TAFA5: variants seen among roughly 807,000 people sequenced by gnomAD.
The protein encoded by TAFA5 is chemokine-like protein TAFA-5.
TAFA5 carries 6 observed loss-of-function variants against 15.3 expected under a neutral mutation model. The observed-to-expected ratio is 0.39, with a 90% CI of 0.21 to 0.77. TAFA5 has a LOEUF of 0.77. TAFA5 is among the 30% of genes least tolerant of loss of function. The probability of loss-of-function intolerance (pLI) is 0.41; values close to 1 mark genes in which losing one functional copy is unlikely to be tolerated. For synonymous variants in TAFA5, 103 were observed against 80.7 expected (o/e 1.28, Z -1.48); for missense variants, 161 against 193.1 (o/e 0.83, Z 0.98).
chr22:48,641,979 C>T (rs1050303587), intron 1 of TAFA5, among the ~76,000 whole-genome samples: 11 of 152,170 alleles, frequency 7.2e-5, no homozygotes, highest in South Asian at 2.1e-4. Context: ...AGGCCGGCGC[C>T]GTGGGTAGAC....
chr22:48,727,749 G>A (rs1438623414), intron 3 of TAFA5, among the ~76,000 whole-genome samples: 2 of 152,072 alleles, frequency 1.3e-5, no homozygotes, highest in African/African-American at 4.8e-5. Context: ...AATAAATAAA[G>A]ATAAATCAGG....
At chr22:48,511,575 C>A (rs1921212435) in intron 1 of TAFA5, among the ~76,000 whole-genome samples, 1 of 152,270 alleles carries the variant, frequency 6.6e-6, no homozygotes, top group East Asian at 1.9e-4. Context: ...CAGGTCAAGA[C>A]AAAACTCTGT....
At chr22:48,491,424 T>TAA (rs1288890258) in intron 1 of TAFA5, among the ~76,000 whole-genome samples, 1 of 151,968 alleles carries the variant, frequency 6.6e-6, no homozygotes, top group African/African-American at 2.4e-5. Flanking sequence ...TCAGCAGTGT[T>TAA]TGGGGAGGGG....
chr22:48,620,554 T>G (rs1393080295), intron 1 of TAFA5, among the ~76,000 whole-genome samples: 3 of 96,994 alleles, frequency 3.1e-5, no homozygotes, highest in Admixed American at 1.1e-4. Context: ...GACAATTTAA[T>G]TTGATCTCTG....
In TAFA5 at chr22:48,707,779, G is replaced by C. The variant is rs200362354; in HGVS notation, c.325G>C (p.Asp109His). Residue 109 changes from aspartate to histidine, a missense_variant, in exon 3 of 4, where the codon GAC becomes CAC. Transcript: ENST00000402357. ...MLPCLEGEGC[D>H]LLINRSGWTC... Reference sequence around the variant, plus strand: ...TCCGTGTCTGGAGGGGGAAGGCTGCGACTTGTTAATCAACCGGTCAGGCTG... The same window carrying C: ...TCCGTGTCTGGAGGGGGAAGGCTGCCACTTGTTAATCAACCGGTCAGGCTG... The C allele has an allele frequency of 2.5e-6, 4 of 1,613,912 alleles. No individual in the cohort carries two copies. The South Asian group carries it at 4.4e-5, about 18-fold the overall frequency.
chr22:48,512,686 C>T (rs368163693), intron 1 of TAFA5, among the ~76,000 whole-genome samples: 1 of 151,252 alleles, frequency 6.6e-6, no homozygotes, highest in African/African-American at 2.4e-5. Flanking sequence ...TTTGGGAGGC[C>T]GAGGCGGGTG....
At chr22:48,629,189 G>A (rs1373757077) in intron 1 of TAFA5, among the ~76,000 whole-genome samples, 1 of 152,174 alleles carries the variant, frequency 6.6e-6, no homozygotes, top group African/African-American at 2.4e-5. Context: ...GCCTGCTGGG[G>A]TTCTCTGCTT....
At chr22:48,646,466 C>G (rs1266409132) in intron 1 of TAFA5, 131 bp from the exon 2 acceptor site, 4 of 1,172,394 alleles carry the variant, frequency 3.4e-6, no homozygotes, top group Non-Finnish European at 4.7e-6. Context: ...GACGCTCCCT[C>G]TGAGTGAAGC....
chr22:48,696,050 C>T (rs1033687054), intron 2 of TAFA5, among the ~76,000 whole-genome samples: 2 of 152,134 alleles, frequency 1.3e-5, no homozygotes, highest in African/African-American at 2.4e-5. Flanking sequence ...CCACCTGCCC[C>T]GGACCCCTGG....
rs181106930 is a variant in TAFA5 at position 48,603,238 on chromosome 22, A to T, written c.113-43359A>T. ...ATACCCATGCGCACTGCCTGTCCTC[A>T]GTTCCGGTAGGGGGAGGGCTTGAGT... On this transcript the variant is annotated intron_variant, in intron 1 of 3. Transcript: ENST00000402357. 4.2e-3 allele frequency among the ~76,000 whole-genome samples: 633 copies of T among 152,282 alleles called. 3 individuals are homozygous for T. Among genetic ancestry groups the T allele is most frequent in the African/African-American group, 0.015 (610 of 41,556 alleles).
At chr22:48,749,719 G>A (rs987413564) in intron 3 of TAFA5, 120 bp from the exon 4 acceptor site, 82 of 1,130,372 alleles carry the variant, frequency 7.3e-5, no homozygotes, top group African/African-American at 5.3e-4. Flanking sequence ...TGAGCTCTTC[G>A]TTTCAGGCCC....
intron 1 of TAFA5, among the ~76,000 whole-genome samples, chr22:48,587,356 T>C (rs1346936649): frequency 2.6e-5 from 4 of 152,026 alleles, no homozygotes; most frequent in Non-Finnish European, 5.9e-5. Context: ...TGTGCTTTGG[T>C]GGTAAAGAAA....
intron 2 of TAFA5, among the ~76,000 whole-genome samples, chr22:48,689,010 AAG>A (rs201953056): frequency 0.11 from 13,498 of 118,130 alleles, 1,083 homozygotes; most frequent in Admixed American, 0.23. Context: ...AAAAAAAAAA[AAG>A]AGAGAGAAAA....
intron 3 of TAFA5, 117 bp downstream of exon 3, chr22:48,707,961 C>CA: frequency 7.4e-7 from 1 of 1,355,738 alleles, no homozygotes; most frequent in Non-Finnish European, 1.0e-6. Flanking sequence ...CATCCTCATG[C>CA]AGAGAGGCCA....
chr22:48,655,500 G>T (rs1927204942), intron 2 of TAFA5, among the ~76,000 whole-genome samples: 1 of 152,198 alleles, frequency 6.6e-6, no homozygotes, highest in African/African-American at 2.4e-5. Context: ...TCCTCACGTG[G>T]TGGAAGGTGG....
intron 2 of TAFA5, among the ~76,000 whole-genome samples, chr22:48,650,448 G>A (rs1231204242): frequency 6.6e-6 from 1 of 152,106 alleles, no homozygotes; most frequent in African/African-American, 2.4e-5. Context: ...ATTCAGACTG[G>A]GGCCCCAGAG....
chr22:48,647,707 G>T (rs1473236495), intron 2 of TAFA5, among the ~76,000 whole-genome samples: 1 of 21,162 alleles, frequency 4.7e-5, no homozygotes, highest in African/African-American at 2.7e-4. Context: ...CATGGGGGCT[G>T]CCATGGGCCT....
In TAFA5 at chr22:48,550,954, C is replaced by G. The variant is rs139810778; in HGVS notation, c.112+61250C>G. 6.6e-6 allele frequency among the ~76,000 whole-genome samples: 1 copy of G among 151,968 alleles called. No homozygotes were observed. The highest frequency in any genetic ancestry group is 2.4e-5 in the African/African-American group (1 of 41,422). The stretch of plus-strand genomic sequence containing the variant: ...ATGGGCTGCTGTGGTGTCCCCTCCC[C>G]ACCAGGGCTGCTCTGAGGGCCCTGG... On this transcript the variant is annotated intron_variant, in intron 1 of 3. Transcript: ENST00000402357. This position sits in a 1 kb window ranked among gnomAD's most constrained non-coding sequence, Gnocchi z 4.1.
intron 1 of TAFA5, among the ~76,000 whole-genome samples, chr22:48,563,011 G>C (rs1923289959): frequency 6.6e-6 from 1 of 152,224 alleles, no homozygotes; most frequent in African/African-American, 2.4e-5. Flanking sequence ...TCCCACACCA[G>C]AGCTGGGCTG....
Sources: allele counts gnomAD v4.1 joint callset (sites outside exome capture counted in the v4.1 genomes callset), GRCh38; gene constraint gnomAD v4.1.1; non-coding constraint Gnocchi (gnomAD v3.1); transcripts MANE v1.5; gene names NCBI Gene and HGNC (gene_info 2026-07-23, HGNC 2026-07-21).